WWC1: variants seen among roughly 807,000 people sequenced by gnomAD.
The protein encoded by WWC1 is protein KIBRA.
Under a neutral mutation model 138.4 loss-of-function variants are expected in WWC1, and 55 were observed. The ratio of observed to expected loss-of-function variants is 0.40; its 90% CI spans 0.32 to 0.50. WWC1 has a LOEUF of 0.50. Ranked by LOEUF, WWC1 falls within the 20% of genes least tolerant of loss-of-function variation. The probability of loss-of-function intolerance (pLI) is 0.72; values close to 1 mark genes in which losing one functional copy is unlikely to be tolerated. For missense variants in WWC1, 1,226 were observed against 1,420.4 expected (o/e 0.86, Z 2.20); for synonymous variants, 524 against 564.9 (o/e 0.93, Z 1.03).
At chr5:168,457,737 C>T (rs763852907) in intron 19 of WWC1, among the ~76,000 whole-genome samples, 59 of 152,320 alleles carry the variant, frequency 3.9e-4, no homozygotes, top group Middle Eastern at 3.4e-3. Flanking sequence ...CCACCGGCCC[C>T]GTTGCTGCCC....
intron 1 of WWC1, among the ~76,000 whole-genome samples, chr5:168,297,978 A>C (rs1400905321): frequency 1.3e-5 from 2 of 152,192 alleles, no homozygotes; most frequent in African/African-American, 4.8e-5. Flanking sequence ...TTTATAATCA[A>C]TTAAAATGGA....
intron 9 of WWC1, among the ~76,000 whole-genome samples, chr5:168,421,673 T>C (rs993445337): frequency 2.6e-5 from 4 of 152,110 alleles, no homozygotes; most frequent in African/African-American, 9.7e-5. Flanking sequence ...TGCCACTAAT[T>C]CCACAGCTTT....
At chr5:168,323,478 T>C (rs1772288604) in intron 1 of WWC1, among the ~76,000 whole-genome samples, 1 of 151,872 alleles carries the variant, frequency 6.6e-6, no homozygotes, top group Non-Finnish European at 1.5e-5. Context: ...GCCCAGGAGG[T>C]AGAGGCTGTC....
chr5:168,440,934 T>A (rs1381566210), intron 15 of WWC1, among the ~76,000 whole-genome samples: 1 of 152,076 alleles, frequency 6.6e-6, no homozygotes, highest in East Asian at 1.9e-4. Context: ...ATAAGCAAAA[T>A]GTAGCATACC....
intron 3 of WWC1, among the ~76,000 whole-genome samples, chr5:168,391,149 G>T (rs558819133): frequency 1.9e-4 from 29 of 152,228 alleles, no homozygotes; most frequent in Non-Finnish European, 3.7e-4. Flanking sequence ...ACTCAAGAGA[G>T]CTGGGTTCTT....
chr5:168,384,858 C>T (rs549837486), intron 2 of WWC1, among the ~76,000 whole-genome samples: 10 of 151,846 alleles, frequency 6.6e-5, no homozygotes, highest in Non-Finnish European at 1.2e-4. Flanking sequence ...GCTGGGATTA[C>T]AGGTGCCTGC....
intron 16 of WWC1, among the ~76,000 whole-genome samples, chr5:168,442,299 G>A (rs1754839792): frequency 6.6e-6 from 1 of 152,010 alleles, no homozygotes; most frequent in Non-Finnish European, 1.5e-5. Flanking sequence ...TGTCTAATAT[G>A]AGCCTTAAAA....
At chr5:168,351,269 G>C (rs1774933973) in intron 1 of WWC1, among the ~76,000 whole-genome samples, 1 of 152,154 alleles carries the variant, frequency 6.6e-6, no homozygotes, top group African/African-American at 2.4e-5. Context: ...AGTAGCTCCA[G>C]ACTGTAGACT....
rs550750163 is a variant in WWC1, at chr5:168,408,320, C to T, written c.721-187C>T. Among the ~76,000 whole-genome samples the T allele has an allele frequency of 4.0e-5, 6 of 151,458 alleles. No homozygotes were observed. In the East Asian group the frequency reaches 7.8e-4, roughly 20 times the overall value. ...GGTTTCTCCTATGTCATAGGCCCAG[C>T]GCAGAGCCTGGCACACAGCAAGGAC... is the stretch of plus-strand genomic sequence containing the variant. On this transcript the variant is annotated intron_variant, in intron 6 of 22. Transcript: ENST00000265293.
Position 168,423,657 on chromosome 5 carries a change from T to C in WWC1, c.1399T>C (p.Tyr467His), listed in dbSNP as rs1260082230. The change falls in exon 11 of 23, where the codon TAT (tyrosine) becomes CAT (histidine). Residue 467 changes from tyrosine (Y) to histidine (H), a missense_variant. Tyr to His is a moderately conservative substitution (Grantham distance 83). Around this residue, in one of 3 missense-constraint regions of WWC1, gnomAD observed 1,016 missense variants for 1,153.9 expected, o/e 0.88. Transcript: ENST00000265293. ...STSASFTDLY[Y>H]DPFEQLDSEL... is the part of the protein sequence containing the mutation. ...TTCAGCCAGCTTCACTGACCTCTAC[T>C]ATGACCCCTTTGAGCAGCTGGACTC... 2 of 1,614,150 alleles carry C rather than the reference T, an allele frequency of 1.2e-6. No homozygotes were observed. The highest frequency in any genetic ancestry group is 4.5e-5 in the East Asian group (2 of 44,880).
chr5:168,404,971 A>G (rs2152836190), intron 5 of WWC1, among the ~76,000 whole-genome samples: 1 of 151,890 alleles, frequency 6.6e-6, no homozygotes, highest in East Asian at 1.9e-4. Context: ...TCTCCAGACT[A>G]GAAGCGTTTT....
At chr5:168,444,353 G>T (rs1419974538) in intron 16 of WWC1, 141 bp from the exon 17 acceptor site, 12 of 758,858 alleles carry the variant, frequency 1.6e-5, no homozygotes, top group Non-Finnish European at 2.3e-5. Flanking sequence ...CAGTGACCTT[G>T]GGCAAGACAC....
At chr5:168,302,593 G>A (rs1185440787) in intron 1 of WWC1, among the ~76,000 whole-genome samples, 2 of 152,062 alleles carry the variant, frequency 1.3e-5, no homozygotes, top group African/African-American at 2.4e-5. Flanking sequence ...GGTGAGGTGG[G>A]CTAATTGCTG....
intron 1 of WWC1, among the ~76,000 whole-genome samples, chr5:168,315,446 C>T (rs778477812): frequency 4.6e-5 from 7 of 152,054 alleles, no homozygotes; most frequent in South Asian, 2.1e-4. Flanking sequence ...GTGCCCGCTG[C>T]GCTCTGATAC....
intron 2 of WWC1, among the ~76,000 whole-genome samples, chr5:168,372,526 C>T (rs1489898019): frequency 6.6e-6 from 1 of 152,212 alleles, no homozygotes; most frequent in Admixed American, 6.5e-5. Flanking sequence ...ACTGAGCACA[C>T]AGTCTGTGCC....
intron 17 of WWC1, among the ~76,000 whole-genome samples, chr5:168,453,501 T>C (rs1375984824): frequency 1.3e-5 from 2 of 152,166 alleles, no homozygotes; most frequent in African/African-American, 4.8e-5. Context: ...GTGAGTACAT[T>C]GGCCAAAACT....
At chr5:168,459,485 T>C (rs541136959) in intron 19 of WWC1, among the ~76,000 whole-genome samples, 7 of 152,290 alleles carry the variant, frequency 4.6e-5, no homozygotes, top group African/African-American at 1.7e-4. Flanking sequence ...GCTGTTCAAC[T>C]ATACAAGCTT....
intron 1 of WWC1, among the ~76,000 whole-genome samples, chr5:168,293,201 C>T (rs1426709451): frequency 6.6e-6 from 1 of 152,148 alleles, no homozygotes; most frequent in Non-Finnish European, 1.5e-5. Context: ...TCACATGCTG[C>T]ACACACACAC....
intron 1 of WWC1, among the ~76,000 whole-genome samples, chr5:168,293,837 A>G (rs1415410018): frequency 6.6e-6 from 1 of 152,220 alleles, no homozygotes; most frequent in Admixed American, 6.5e-5. Flanking sequence ...TTTTTCTGCC[A>G]TTCTGCGTAC....
Sources: allele counts gnomAD v4.1 joint callset (sites outside exome capture counted in the v4.1 genomes callset), GRCh38; gene constraint gnomAD v4.1.1; regional missense constraint gnomAD v4.1.1; transcripts MANE v1.5; gene names NCBI Gene and HGNC (gene_info 2026-07-23, HGNC 2026-07-21).